The following CHD2 variants were observed in gnomAD, a reference collection of about 807,000 sequenced individuals.
The protein encoded by CHD2 is chromodomain helicase DNA binding protein 2, also known as ATP-dependent chromatin remodeler CHD2.
A neutral mutation model predicts 243.9 loss-of-function variants in CHD2; 28 were observed. The observed-to-expected ratio is 0.11, with a 90% CI of 0.09 to 0.16. The LOEUF (loss-of-function observed/expected upper bound fraction) is 0.16, where lower values mean the gene tolerates loss of function less well. CHD2 is among the 10% of genes least tolerant of loss of function. The probability of loss-of-function intolerance (pLI) is 1.00; values close to 1 mark genes in which losing one functional copy is unlikely to be tolerated. For synonymous variants in CHD2, 775 were observed against 779.0 expected, an observed-to-expected ratio of 0.99 and a Z score of 0.09; for missense variants, 1,386 against 2,209.8, an observed-to-expected ratio of 0.63 and a Z score of 7.47.
chr15:92,961,497 T>C (rs2053686866), intron 16 of CHD2, among the ~76,000 whole-genome samples: 1 of 152,212 alleles, frequency 6.6e-6, no homozygotes, highest in Non-Finnish European at 1.5e-5. Flanking sequence ...ACTCCTGGGC[T>C]CAAGGGATCC....
chr15:93,020,639 A>C (rs1407417599), intron 38 of CHD2: 1 of 381,440 alleles, frequency 2.6e-6, no homozygotes. Context: ...CCATAATTGA[A>C]GAGTCAAAGT....
rs916065538 is a variant in CHD2, at chr15:92,951,906, A to T, written c.1503-1451A>T. On this transcript the variant is annotated intron_variant, in intron 13 of 38. Coordinates refer to ENST00000394196, the MANE Select transcript of CHD2 (RefSeq NM_001271.4). ...AACACAGAAGGTATTTTTAGAAATT[A>T]TGTCTTTTTGGTGAATTAAATGTCT... 3.9e-5 allele frequency among the ~76,000 whole-genome samples: 6 copies of T among 152,192 alleles called. No individual in the cohort carries two copies. The South Asian group carries it at 1.0e-3, about 26-fold the overall frequency.
At chr15:92,987,039 T>C (rs1010395528) in intron 26 of CHD2, among the ~76,000 whole-genome samples, 8 of 152,176 alleles carry the variant, frequency 5.3e-5, no homozygotes, top group African/African-American at 1.9e-4. Flanking sequence ...CGCAGCCTAG[T>C]TGTTCTACCC....
intron 12 of CHD2, among the ~76,000 whole-genome samples, chr15:92,948,171 G>A (rs1283639113): frequency 6.6e-6 from 1 of 152,120 alleles, no homozygotes; most frequent in Non-Finnish European, 1.5e-5. Context: ...CCCTTCAGAA[G>A]CTTGTTTCTG....
chr15:92,911,931 C>A (rs1396264699), intron 2 of CHD2, among the ~76,000 whole-genome samples: 1 of 152,170 alleles, frequency 6.6e-6, no homozygotes, highest in East Asian at 1.9e-4. Context: ...TTCTGCTGTT[C>A]AAAAGGCCAT....
Position 93,024,694 on chromosome 15 carries a change from C to G in CHD2, c.5476C>G (p.Arg1826Gly). The G allele has an allele frequency of 6.2e-7, 1 of 1,609,448 alleles. No homozygotes were observed. The highest frequency in any genetic ancestry group is 8.5e-7 in the Non-Finnish European group (1 of 1,177,360). Residue 1826 changes from arginine to glycine, a missense_variant, in exon 39 of 39, where the codon CGG becomes GGG. Coordinates refer to ENST00000394196, the MANE Select transcript of CHD2 (RefSeq NM_001271.4). Reference sequence around the variant, plus strand: ...CAACCCAGATTATAACTGGAATGTTCGGAAAACATAAAGGACAGCTCGTAA... The same window carrying G: ...CAACCCAGATTATAACTGGAATGTTGGGAAAACATAAAGGACAGCTCGTAA... ...KNNPDYNWNV[R>G]KT
rs766610556 is a variant in CHD2 at position 93,024,732 on chromosome 15, G to T, written c.*27G>T. 6 of 1,566,018 alleles carry T rather than the reference G, an allele frequency of 3.8e-6. No homozygotes were observed. Among genetic ancestry groups the T allele is most frequent in the Non-Finnish European group, 5.2e-6 (6 of 1,152,804 alleles). ...GGACAGCTCGTAAAGGAGAGAGTAAGAGTCACCAAACACGTGGATATTTTT... is the reference window on the plus strand; with the variant it reads ...GGACAGCTCGTAAAGGAGAGAGTAATAGTCACCAAACACGTGGATATTTTT... On this transcript the variant is annotated 3_prime_UTR_variant, in exon 39 of 39. Coordinates refer to ENST00000394196, the MANE Select transcript of CHD2 (RefSeq NM_001271.4).
At chr15:92,985,461 A>G in intron 25 of CHD2, 37 bp from the exon 26 acceptor site, 1 of 1,569,978 alleles carries the variant, frequency 6.4e-7, no homozygotes, top group East Asian at 2.3e-5. Flanking sequence ...TGAACTTCGC[A>G]CTTGTTACAG....
rs983723951 is a variant in CHD2, at chr15:92,901,556, C to T, written c.62+257C>T. The T allele has an allele frequency of 1.2e-5, 6 of 514,954 alleles. No homozygotes were observed. The South Asian group carries it at 1.7e-4, about 14-fold the overall frequency. The allele number at this position is 514,954 out of a possible 1,614,324, so 31.9% of individuals were successfully genotyped here. A position where few individuals can be genotyped will look rare whatever the true frequency, so the allele number is the denominator to read the frequency against. On this transcript the variant is annotated intron_variant, in intron 2 of 38. Transcript: ENST00000394196. ...GGTAAGGTACCTTTATTCAAAGGGG[C>T]CTTTACTGTAATGTACAGTTTTTCT...
intron 13 of CHD2, among the ~76,000 whole-genome samples, chr15:92,950,636 C>T (rs1275985705): frequency 6.6e-6 from 1 of 152,018 alleles, no homozygotes; most frequent in African/African-American, 2.4e-5. Context: ...CTTATGTAGT[C>T]TCAGCTACTT....
Position 93,009,235 on chromosome 15 carries a change from A to G in CHD2, c.4504A>G (p.Thr1502Ala), listed in dbSNP as rs763415030. ...CAACGTGCAAGAACAGCTGGAACACACCCGGAACTGCCTGCTGAAAATCGG... is the reference window on the plus strand; with the variant it reads ...CAACGTGCAAGAACAGCTGGAACACGCCCGGAACTGCCTGCTGAAAATCGG... ...GLNVQEQLEH[T>A]RNCLLKIGDR... The change falls in exon 35 of 39, where the codon ACC becomes GCC. Residue 1502 changes from threonine to alanine, a missense_variant. By Grantham distance (58) the Thr-to-Ala change is moderately conservative. This residue lies in a region of CHD2 where 42 missense variants were observed against 47.6 expected (regional missense o/e 0.88). Transcript: ENST00000394196. The G allele has an allele frequency of 6.2e-7, 1 of 1,614,196 alleles. No homozygotes were observed. The highest frequency in any genetic ancestry group is 1.7e-5 in the Admixed American group (1 of 60,010).
At position 92,946,189 on chromosome 15, in the gene CHD2, A is replaced by G; in HGVS notation, c.1350A>G (p.Ser450=). The part of the protein sequence containing the change: ...CIDSFHSRNN[S]KTIPTRECKA... ...ACAGCTTCCACAGTAGGAACAACTC[A>G]AAAACCATCCCAACAAGAGAATGCA... Residue 450 remains serine (S), a synonymous_variant, in exon 12 of 39, where the codon TCA becomes TCG. Transcript: ENST00000394196. The G allele has an allele frequency of 1.2e-6, 2 of 1,612,120 alleles. No homozygotes were observed. Among genetic ancestry groups the G allele is most frequent in the East Asian group, 4.5e-5 (2 of 44,872 alleles).
chr15:92,901,282 A>G lies in CHD2; in HGVS notation c.45A>G (p.Leu15=), dbSNP rs1009840698. 1.9e-6 allele frequency: 3 copies of G among 1,607,000 alleles called. No individual in the cohort carries two copies. Among genetic ancestry groups the G allele is most frequent in the Non-Finnish European group, 2.6e-6 (3 of 1,173,966 alleles). The change falls in exon 2 of 39, where the codon CTA becomes CTG. Residue 15 remains leucine, a synonymous_variant. Coordinates refer to ENST00000394196, the MANE Select transcript of CHD2 (RefSeq NM_001271.4). ...AAAGCCAAGAGGAGGACAGTTCGCT[A>G]CACAGCAATGCATCGAGGTATGAGC... ...KDKSQEEDSS[L]HSNASSHSAS...
At chr15:92,928,710 G>C (rs1186290267) in intron 4 of CHD2, among the ~76,000 whole-genome samples, 1 of 152,208 alleles carries the variant, frequency 6.6e-6, no homozygotes, top group African/African-American at 2.4e-5. Flanking sequence ...GTCACATGTG[G>C]CTGATGGGTA....
At chr15:92,991,413 A>G in intron 26 of CHD2, 63 bp from the exon 27 acceptor site, 1 of 1,236,024 alleles carries the variant, frequency 8.1e-7, no homozygotes, top group Non-Finnish European at 1.2e-6. Context: ...AGGATATGCT[A>G]GCATCAACAT....
intron 2 of CHD2, among the ~76,000 whole-genome samples, chr15:92,919,397 CTT>C (rs879772529): frequency 4.8e-5 from 7 of 145,664 alleles, no homozygotes; most frequent in Non-Finnish European, 6.1e-5. Context: ...TTTAAAAACA[CTT>C]TTTTTTTTTT....
intron 37 of CHD2, among the ~76,000 whole-genome samples, chr15:93,019,563 C>T (rs961580931): frequency 6.6e-6 from 1 of 152,168 alleles, no homozygotes; most frequent in Non-Finnish European, 1.5e-5. Context: ...TGAACTTCAG[C>T]AAAGTAGTGC....
In CHD2 at chr15:92,998,224, C is replaced by T; in HGVS notation, c.3886-275C>T. ...GCTCTAGCAGATGAAGCCACAAGCC[C>T]CTCCTACCTGAGTTGTTCTACCCTG... On this transcript the variant is annotated intron_variant, in intron 30 of 38. Coordinates refer to ENST00000394196, the MANE Select transcript of CHD2 (RefSeq NM_001271.4). This position sits in a 1 kb window ranked among gnomAD's most constrained non-coding sequence, Gnocchi z 5.1. 1 of 1,101,604 alleles carries T rather than the reference C, an allele frequency of 9.1e-7. No homozygotes were observed. The highest frequency in any genetic ancestry group is 1.1e-6 in the Non-Finnish European group (1 of 902,920). 68.2% of individuals were successfully genotyped at this position (1,101,604 alleles called of 1,614,324 possible). A position where few individuals can be genotyped will look rare whatever the true frequency, so the allele number is the denominator to read the frequency against.
rs2054513342 is a variant in CHD2 at position 93,019,992 on chromosome 15, C to CA, written c.4907-19dup. The CA allele has an allele frequency of 6.2e-7, 1 of 1,601,484 alleles. No homozygotes were observed. Among genetic ancestry groups the CA allele is most frequent in the African/African-American group, 1.3e-5 (1 of 74,434 alleles). ...CATCCATTTCTTGCAGTCATCAGAT[C>CA]ATTCTTTCTTTTCCTGCAGATCGAG... On this transcript the variant is annotated intron_variant, in intron 37 of 38. Transcript: ENST00000394196.
Sources: gnomAD v4.1 joint callset for allele counts (sites outside exome capture counted in the v4.1 genomes callset) on GRCh38, gnomAD v4.1.1 for gene constraint, gnomAD v4.1.1 regional missense constraint, Gnocchi (gnomAD v3.1) non-coding constraint, MANE v1.5 for transcripts, NCBI Gene and HGNC (gene_info 2026-07-23, HGNC 2026-07-21) for gene names.